Variants in N4BP2L2 observed in about 807,000 individuals in gnomAD.
N4BP2L2 encodes NEDD4-binding protein 2-like 2.
N4BP2L2 carries 50 observed loss-of-function variants against 56.2 expected under a neutral mutation model. The ratio of observed to expected loss-of-function variants is 0.89; its 90% confidence interval spans 0.71 to 1.13. The LOEUF (loss-of-function observed/expected upper bound fraction) is 1.13, where lower values mean the gene tolerates loss of function less well. Among genes scored for constraint, N4BP2L2 ranks in the 50% most tolerant of loss-of-function variants. The pLI, the probability that N4BP2L2 is intolerant of heterozygous loss-of-function variation, is 0.00. For missense variants in N4BP2L2, 689 were observed against 693.8 expected, an observed-to-expected ratio of 0.99 and a Z score of 0.08; for synonymous variants, 203 against 223.6, an observed-to-expected ratio of 0.91 and a Z score of 0.82.
At chr13:32,476,411 G>A (rs529453414) in intron 6 of N4BP2L2, among the ~76,000 whole-genome samples, 4 of 152,250 alleles carry the variant, frequency 2.6e-5, no homozygotes, top group South Asian at 4.2e-4. Flanking sequence ...AATAAATTAC[G>A]TGGAATTCTG....
chr13:32,451,006 G>C (rs778083365), intron 6 of N4BP2L2, among the ~76,000 whole-genome samples: 1 of 151,716 alleles, frequency 6.6e-6, no homozygotes, highest in African/African-American at 2.4e-5. Context: ...GTGAGCCACC[G>C]CACCTGGCCT....
downstream of N4BP2L2, chr13:32,508,070 T>C (rs2091235346): frequency 6.6e-6 from 1 of 151,726 alleles, no homozygotes; most frequent in Admixed American, 6.6e-5. Flanking sequence ...GTAAAGTATT[T>C]TAAGGAAAAA....
intron 6 of N4BP2L2, among the ~76,000 whole-genome samples, chr13:32,446,933 T>G (rs1366926400): frequency 6.6e-6 from 1 of 151,314 alleles, no homozygotes; most frequent in Non-Finnish European, 1.5e-5. Flanking sequence ...TTGAAGAATG[T>G]GCTCAGGGTC....
intron 6 of N4BP2L2, among the ~76,000 whole-genome samples, chr13:32,452,097 C>G (rs1377387635): frequency 1.4e-5 from 2 of 144,516 alleles, no homozygotes; most frequent in African/African-American, 2.6e-5. Context: ...GTTTCACTCT[C>G]CTTGCCCAGG....
At chr13:32,463,918 C>CAAAAAAAAAAAAAAAAA (rs58685358) in intron 6 of N4BP2L2, among the ~76,000 whole-genome samples, 1 of 64,160 alleles carries the variant, frequency 1.6e-5, no homozygotes, top group Non-Finnish European at 2.8e-5. Flanking sequence ...TGCCCATGAC[C>CAAAAAAAAAAAAAAAAA]AAAAAAAAAA....
intron 6 of N4BP2L2, among the ~76,000 whole-genome samples, chr13:32,445,544 T>C (rs1051578933): frequency 2.0e-5 from 3 of 152,260 alleles, no homozygotes; most frequent in African/African-American, 7.2e-5. Context: ...AATGAGCTGT[T>C]GAGTCCGGTA....
chr13:32,522,025 C>T (rs2051103265), intron 4 of N4BP2L2, 157 bp downstream of exon 4: 1 of 583,366 alleles, frequency 1.7e-6, no homozygotes, highest in African/African-American at 2.0e-5. Flanking sequence ...TAAAAAACAT[C>T]ATTCACAATT....
chr13:32,477,922 G>A (rs2083690038), intron 6 of N4BP2L2: 2 of 1,289,406 alleles, frequency 1.6e-6, no homozygotes, highest in Non-Finnish European at 2.0e-6. Context: ...AGTGATCAAT[G>A]TGTCAGTCTC....
intron 6 of N4BP2L2, among the ~76,000 whole-genome samples, chr13:32,479,413 G>T (rs1187649737): frequency 6.6e-6 from 1 of 151,006 alleles, no homozygotes; most frequent in African/African-American, 2.4e-5. Flanking sequence ...GACTACAGGC[G>T]CCCGCCACCA....
chr13:32,521,804 T>C lies in N4BP2L2; in HGVS notation c.1474-355A>G, dbSNP rs7337132. On this transcript the variant is annotated intron_variant, in intron 4 of 5. Transcript: ENST00000267068. ...CAGCCTGGCCAACATGGTGAAACCC[T>C]GTCTCTACTAAAAATACAAAAATTA... 3.8e-3 allele frequency: 1,004 copies of C among 263,304 alleles called. 7 individuals carry two copies. The highest frequency in any genetic ancestry group is 0.022 in the African/African-American group (940 of 43,304). The allele number at this position is 263,304 out of a possible 1,614,324, so 16.3% of individuals were successfully genotyped here.
chr13:32,476,807 A>T (rs1162278519), intron 6 of N4BP2L2, among the ~76,000 whole-genome samples: 1 of 152,200 alleles, frequency 6.6e-6, no homozygotes, highest in Non-Finnish European at 1.5e-5. Context: ...GACTGTAGGG[A>T]ATAAGAAACT....
chr13:32,489,741 C>A (rs2086641841), intron 6 of N4BP2L2, among the ~76,000 whole-genome samples: 1 of 144,888 alleles, frequency 6.9e-6, no homozygotes, highest in Non-Finnish European at 1.5e-5. Context: ...GTTTAATCAC[C>A]AAGATTTGGT....
chr13:32,443,399 C>T, exon 7 of N4BP2L2: 2 of 1,614,020 alleles, frequency 1.2e-6, no homozygotes, highest in Non-Finnish European at 1.7e-6. Flanking sequence ...GGCTGTCTGT[C>T]AGAGCCCAGC....
At chr13:32,488,239 G>C (rs1294434797) in intron 6 of N4BP2L2, among the ~76,000 whole-genome samples, 3 of 152,198 alleles carry the variant, frequency 2.0e-5, no homozygotes, top group African/African-American at 7.2e-5. Flanking sequence ...TAAAAAGAAT[G>C]AGATTATGTC....
downstream of N4BP2L2, chr13:32,507,001 G>C (rs2091064365): frequency 6.6e-6 from 1 of 152,000 alleles, no homozygotes; most frequent in South Asian, 2.1e-4. Flanking sequence ...CCTGACCTGG[G>C]TATTAATTAT....
chr13:32,440,851 CTTTT>C (rs34532527), intron 7 of N4BP2L2, among the ~76,000 whole-genome samples: 2 of 134,600 alleles, frequency 1.5e-5, no homozygotes, highest in Non-Finnish European at 1.6e-5. Flanking sequence ...AAATAACAAT[CTTTT>C]TTTTTTTTTT....
At chr13:32,481,426 A>ACTCAT (rs1262874179) in intron 6 of N4BP2L2, among the ~76,000 whole-genome samples, 2 of 152,032 alleles carry the variant, frequency 1.3e-5, no homozygotes, top group Non-Finnish European at 2.9e-5. Flanking sequence ...GTAGTCTCAG[A>ACTCAT]CTCATTCACA....
chr13:32,535,913 C>G lies in N4BP2L2; in HGVS notation c.1115G>C (p.Cys372Ser), dbSNP rs1189966841. 2.5e-6 allele frequency: 4 copies of G among 1,613,988 alleles called. No individual in the cohort carries two copies. The African/African-American group carries it at 4.0e-5, about 16-fold the overall frequency. Reference sequence around the variant, plus strand: ...CTTGTCCATACAATGATCTTTCCAGCATCTTTCTCTGACTTCACAGAAACC... The same window carrying G: ...CTTGTCCATACAATGATCTTTCCAGGATCTTTCTCTGACTTCACAGAAACC... Residue 372 changes from cysteine (C) to serine (S), a missense_variant, in exon 2 of 6, where the codon TGC (cysteine) becomes TCC (serine). By Grantham distance (112) the Cys-to-Ser change is moderately radical (BLOSUM62 -1). Coordinates refer to ENST00000267068, the Ensembl canonical transcript of N4BP2L2.
chr13:32,455,366 C>T (rs996776237), intron 6 of N4BP2L2, among the ~76,000 whole-genome samples: 7 of 152,154 alleles, frequency 4.6e-5, no homozygotes, highest in Non-Finnish European at 8.8e-5. Flanking sequence ...CTACCTGGGG[C>T]AGCCACCACA....
Sources: allele counts gnomAD v4.1 joint callset (sites outside exome capture counted in the v4.1 genomes callset), GRCh38; gene constraint gnomAD v4.1.1; transcripts MANE v1.5; gene names NCBI Gene and HGNC (gene_info 2026-07-23, HGNC 2026-07-21).